ULK4: variants seen among roughly 807,000 people sequenced by gnomAD.
The protein encoded by ULK4 is inactive serine/threonine-protein kinase ULK4.
Under a neutral mutation model 160.6 loss-of-function variants are expected in ULK4, and 133 were observed. The observed-to-expected ratio is 0.83, with a 90% confidence interval of 0.72 to 0.96. ULK4 has a LOEUF of 0.96. Among genes scored for constraint, ULK4 ranks in the 40% least tolerant of loss-of-function variants. The pLI is 0.00. For synonymous variants in ULK4, 534 were observed against 539.8 expected, an observed-to-expected ratio of 0.99 and a Z score of 0.15; for missense variants, 1,580 against 1,499.5, an observed-to-expected ratio of 1.05 and a Z score of -0.89.
intron 35 of ULK4, among the ~76,000 whole-genome samples, chr3:41,327,019 T>C (rs780777697): frequency 6.6e-6 from 1 of 152,228 alleles, no homozygotes; most frequent in Non-Finnish European, 1.5e-5. Context: ...CCTGGTAACA[T>C]TGCATTTACA....
At chr3:41,443,396 C>A (rs1179160540) in intron 34 of ULK4, among the ~76,000 whole-genome samples, 2 of 152,192 alleles carry the variant, frequency 1.3e-5, no homozygotes, top group African/African-American at 4.8e-5. Flanking sequence ...AAAGAGGCAA[C>A]CCAACTATAT....
chr3:41,843,733 G>T (rs1279794372), intron 17 of ULK4, among the ~76,000 whole-genome samples: 5 of 152,038 alleles, frequency 3.3e-5, no homozygotes, highest in African/African-American at 1.2e-4. Context: ...AGCTTCCACA[G>T]TGTGGAAGGG....
At chr3:41,376,077 A>G (rs140984011) in intron 35 of ULK4, among the ~76,000 whole-genome samples, 5,394 of 150,450 alleles carry the variant, frequency 0.036, 659 homozygotes, top group African/African-American at 0.12. Context: ...TCAAAACCAC[A>G]ATGAGATACC....
At chr3:41,835,432 A>G (rs1168576877) in intron 18 of ULK4, among the ~76,000 whole-genome samples, 1 of 152,214 alleles carries the variant, frequency 6.6e-6, no homozygotes, top group Non-Finnish European at 1.5e-5. Context: ...AATAAGTCAA[A>G]TTCTGCCTTC....
At position 41,735,559 on chromosome 3, in the gene ULK4, T is replaced by C. The variant is rs1002217724; in HGVS notation, c.2322-17698A>G. ...TATTACTGGAATAACATGTAAATTG[T>C]AGATATCCATTCCATTTGAATTCAT... is the stretch of plus-strand genomic sequence containing the variant. On this transcript the variant is annotated intron_variant, in intron 22 of 36. Transcript: ENST00000301831. 2.6e-5 allele frequency among the ~76,000 whole-genome samples: 4 copies of C among 152,074 alleles called. No individual in the cohort carries two copies. In the East Asian group the frequency reaches 5.8e-4, roughly 22 times the overall value.
intron 35 of ULK4, among the ~76,000 whole-genome samples, chr3:41,312,033 G>A (rs2080061012): frequency 6.7e-6 from 1 of 148,844 alleles, no homozygotes; most frequent in Non-Finnish European, 1.5e-5. Context: ...AAGTGCAGTG[G>A]CATGATTACA....
chr3:41,337,946 G>C (rs1167336129), intron 35 of ULK4, among the ~76,000 whole-genome samples: 1 of 152,188 alleles, frequency 6.6e-6, no homozygotes, highest in African/African-American at 2.4e-5. Flanking sequence ...CTGAAAACCA[G>C]AGGGAAAGAT....
Position 41,689,017 on chromosome 3 carries a change from G to C in ULK4, c.2782-7213C>G, listed in dbSNP as rs533247817. On this transcript the variant is annotated intron_variant, in intron 27 of 36. Transcript: ENST00000301831. Reference sequence around the variant, plus strand: ...GTATTTTTTGTACTCTTCCAACTTAGGGCCGACTAGAGAAAGCCAAAAATG... The same window carrying C: ...GTATTTTTTGTACTCTTCCAACTTACGGCCGACTAGAGAAAGCCAAAAATG... Among the ~76,000 whole-genome samples the C allele has an allele frequency of 3.7e-4, 56 of 152,258 alleles. 2 individuals carry two copies. In the South Asian group the frequency reaches 0.011, roughly 29 times the overall value.
chr3:41,471,561 T>C (rs1270853595), intron 32 of ULK4, among the ~76,000 whole-genome samples: 1 of 152,104 alleles, frequency 6.6e-6, no homozygotes, highest in South Asian at 2.1e-4. Context: ...CAAGCACACA[T>C]GGAACATTCT....
chr3:41,912,741 T>G lies in ULK4; in HGVS notation c.896+66A>C. ...AATTCCAGTCATTGATGTTGTATAT[T>G]TAGAACAGTAATGGGCTTAAGTGTC... On this transcript the variant is annotated intron_variant, in intron 9 of 36. Coordinates refer to ENST00000301831, the MANE Select transcript of ULK4 (RefSeq NM_017886.4). The G allele has an allele frequency of 3.6e-6, 5 of 1,375,122 alleles. No homozygotes were observed. In the South Asian group the frequency reaches 3.8e-5, roughly 10 times the overall value. The allele number at this position is 1,375,122 out of a possible 1,614,324, so 85.2% of individuals were successfully genotyped here. A position where few individuals can be genotyped will look rare whatever the true frequency, so the allele number is the denominator to read the frequency against.
intron 17 of ULK4, among the ~76,000 whole-genome samples, chr3:41,862,308 T>C (rs2042517545): frequency 6.6e-6 from 1 of 152,238 alleles, no homozygotes; most frequent in Admixed American, 6.5e-5. Flanking sequence ...TGTGTTACCT[T>C]GAATTTCTTT....
intron 35 of ULK4, among the ~76,000 whole-genome samples, chr3:41,350,490 C>A (rs1193549523): frequency 1.3e-5 from 2 of 152,132 alleles, no homozygotes; most frequent in African/African-American, 4.8e-5. Flanking sequence ...TTAAAAAAAA[C>A]TACAATTTGA....
At chr3:41,290,076 T>C (rs1338810425) in intron 35 of ULK4, among the ~76,000 whole-genome samples, 2 of 152,164 alleles carry the variant, frequency 1.3e-5, no homozygotes, top group African/African-American at 2.4e-5. Context: ...AGTTCCTCCA[T>C]GTTGGTCAGG....
intron 19 of ULK4, among the ~76,000 whole-genome samples, chr3:41,817,066 CTGTGTG>C (rs55996693): frequency 2.2e-4 from 33 of 148,878 alleles, no homozygotes; most frequent in African/African-American, 2.7e-4. Flanking sequence ...TGTGGGGAAA[CTGTGTG>C]TGTGTGTGTG....
chr3:41,853,061 G>C (rs2042254910), intron 17 of ULK4, among the ~76,000 whole-genome samples: 2 of 152,192 alleles, frequency 1.3e-5, no homozygotes, highest in African/African-American at 4.8e-5. Flanking sequence ...TGCCTCTAAT[G>C]AAGTCAAAAT....
At chr3:41,647,114 G>C (rs547682350) in intron 30 of ULK4, among the ~76,000 whole-genome samples, 1 of 151,954 alleles carries the variant, frequency 6.6e-6, no homozygotes, top group Non-Finnish European at 1.5e-5. Flanking sequence ...TTTAAAGTTT[G>C]TAACTTCTTT....
intron 2 of ULK4, among the ~76,000 whole-genome samples, chr3:41,940,463 C>T (rs1042868794): frequency 1.3e-5 from 2 of 151,934 alleles, no homozygotes; most frequent in East Asian, 3.9e-4. Flanking sequence ...TTAACACAAG[C>T]CTGGACAATA....
intron 16 of ULK4, among the ~76,000 whole-genome samples, chr3:41,892,965 C>A (rs1698019674): frequency 6.6e-6 from 1 of 152,224 alleles, no homozygotes; most frequent in Non-Finnish European, 1.5e-5. Context: ...AGCTGCAGCA[C>A]CCAATTGAAG....
chr3:41,375,271 AG>A (rs1455611614), intron 35 of ULK4, among the ~76,000 whole-genome samples: 1 of 152,130 alleles, frequency 6.6e-6, no homozygotes, highest in Non-Finnish European at 1.5e-5. Flanking sequence ...TTCAGAGAAT[AG>A]GAAAAACTAC....
Sources: gnomAD v4.1 joint callset for allele counts (sites outside exome capture counted in the v4.1 genomes callset) on GRCh38, gnomAD v4.1.1 for gene constraint, MANE v1.5 for transcripts, NCBI Gene and HGNC (gene_info 2026-07-23, HGNC 2026-07-21) for gene names.